Variants in CCR5AS observed in about 807,000 individuals in gnomAD.
CCR5AS encodes CCR5 antisense RNA.
chr3:46,386,124 C>T (rs923698621), intron 2 of CCR5AS, among the ~76,000 whole-genome samples: 1 of 152,028 alleles, frequency 6.6e-6, no homozygotes, highest in Non-Finnish European at 1.5e-5. Flanking sequence ...CCATGTTCCC[C>T]AGGCTGGTCT....
At chr3:46,369,304 G>A (rs1701631920) in intron 3 of CCR5AS, among the ~76,000 whole-genome samples, 1 of 152,164 alleles carries the variant, frequency 6.6e-6, no homozygotes, top group Non-Finnish European at 1.5e-5. Context: ...CCAGCAGCAT[G>A]ACTGCAGTTC....
intron 1 of CCR5AS, among the ~76,000 whole-genome samples, chr3:46,406,621 C>G (rs933408006): frequency 1.3e-4 from 20 of 152,176 alleles, no homozygotes; most frequent in Admixed American, 2.0e-4. Flanking sequence ...ACGGGATTTT[C>G]CTCCTCTGGG....
chr3:46,394,902 G>A (rs1227566015), intron 1 of CCR5AS, among the ~76,000 whole-genome samples: 1 of 152,160 alleles, frequency 6.6e-6, no homozygotes, highest in African/African-American at 2.4e-5. Flanking sequence ...AGGAGTGTGG[G>A]CCCATGGCAT....
chr3:46,370,354 C>T (rs1462103661), intron 3 of CCR5AS, among the ~76,000 whole-genome samples: 1 of 147,442 alleles, frequency 6.8e-6, no homozygotes, highest in Non-Finnish European at 1.5e-5. Flanking sequence ...AGGTTGTTTC[C>T]GTTTACAGAG....
At chr3:46,372,303 G>A (rs1018868367) in intron 2 of CCR5AS, among the ~76,000 whole-genome samples, 6 of 152,206 alleles carry the variant, frequency 3.9e-5, no homozygotes, top group African/African-American at 1.4e-4. Context: ...GGCTGAGGCA[G>A]GAGGATCGCT....
intron 1 of CCR5AS, among the ~76,000 whole-genome samples, chr3:46,400,499 C>T (rs1263729038): frequency 6.6e-6 from 1 of 152,142 alleles, no homozygotes; most frequent in African/African-American, 2.4e-5. Context: ...ACACATATTA[C>T]ACAAAGAATA....
At chr3:46,364,738 C>A (rs1701584169) in exon 4 of CCR5AS, among the ~76,000 whole-genome samples, 1 of 152,076 alleles carries the variant, frequency 6.6e-6, no homozygotes, top group African/African-American at 2.4e-5. Context: ...GGAAAGTAGT[C>A]ATTATTCTAG....
exon 4 of CCR5AS, among the ~76,000 whole-genome samples, chr3:46,364,404 T>G (rs1444065380): frequency 1.3e-5 from 2 of 152,232 alleles, no homozygotes; most frequent in African/African-American, 4.8e-5. Flanking sequence ...GTTTACAGCA[T>G]GGTTTACTGA....
chr3:46,400,177 G>C (rs1378636602), intron 1 of CCR5AS, among the ~76,000 whole-genome samples: 4 of 152,068 alleles, frequency 2.6e-5, no homozygotes, highest in Non-Finnish European at 5.9e-5. Context: ...CATTTGTAGA[G>C]ACAGGGTCTC....
At chr3:46,386,212 G>A (rs112909402) in intron 2 of CCR5AS, among the ~76,000 whole-genome samples, 40 of 151,894 alleles carry the variant, frequency 2.6e-4, no homozygotes, top group Non-Finnish European at 2.5e-4. Flanking sequence ...CACCCCACCC[G>A]ACCACACTCC....
chr3:46,389,264 G>A (rs952701821), intron 2 of CCR5AS, among the ~76,000 whole-genome samples: 1 of 152,218 alleles, frequency 6.6e-6, no homozygotes, highest in Non-Finnish European at 1.5e-5. Flanking sequence ...GAAGGAAGAG[G>A]AGAGATCAGG....
chr3:46,376,592 G>A (rs961424717), intron 2 of CCR5AS, among the ~76,000 whole-genome samples: 4 of 152,182 alleles, frequency 2.6e-5, no homozygotes, highest in African/African-American at 7.2e-5. Flanking sequence ...GATATGCAAC[G>A]TCATGGCCTG....
intron 1 of CCR5AS, among the ~76,000 whole-genome samples, chr3:46,398,119 T>A (rs1311054723): frequency 6.6e-6 from 1 of 152,202 alleles, no homozygotes; most frequent in African/African-American, 2.4e-5. Flanking sequence ...GCCTAGGCTT[T>A]AAGTGGTATG....
intron 2 of CCR5AS, among the ~76,000 whole-genome samples, chr3:46,372,301 C>T (rs1359419539): frequency 6.6e-6 from 1 of 152,104 alleles, no homozygotes; most frequent in Admixed American, 6.5e-5. Flanking sequence ...GAGGCTGAGG[C>T]AGGAGGATCG....
At chr3:46,400,080 G>A (rs1486406117) in intron 1 of CCR5AS, among the ~76,000 whole-genome samples, 1 of 151,976 alleles carries the variant, frequency 6.6e-6, no homozygotes, top group African/African-American at 2.4e-5. Context: ...TGCAATCTCT[G>A]CCTCCCGGGC....
chr3:46,387,800 T>C (rs1268874004), intron 2 of CCR5AS, among the ~76,000 whole-genome samples: 3 of 151,912 alleles, frequency 2.0e-5, no homozygotes, highest in Admixed American at 6.6e-5. Context: ...CAAAGGGAGA[T>C]AGGGATGGGG....
chr3:46,387,183 G>A (rs1467829864), intron 2 of CCR5AS, among the ~76,000 whole-genome samples: 1 of 152,160 alleles, frequency 6.6e-6, no homozygotes, highest in Non-Finnish European at 1.5e-5. Flanking sequence ...TACTACCCAA[G>A]ATGAGTCAAT....
chr3:46,378,149 T>C (rs1701781337), intron 2 of CCR5AS, among the ~76,000 whole-genome samples: 1 of 152,214 alleles, frequency 6.6e-6, no homozygotes, highest in South Asian at 2.1e-4. Flanking sequence ...AACATTTCGA[T>C]AGCTCCTATA....
intron 2 of CCR5AS, chr3:46,373,786 T>C: frequency 1.2e-6 from 2 of 1,613,874 alleles, no homozygotes; most frequent in Non-Finnish European, 1.7e-6. Context: ...ATCAACCCCA[T>C]CATCTATGCC....
Sources: allele counts gnomAD v4.1 joint callset (sites outside exome capture counted in the v4.1 genomes callset), GRCh38; gene constraint gnomAD v4.1.1; transcripts MANE v1.5; gene names NCBI Gene and HGNC (gene_info 2026-07-23, HGNC 2026-07-21).